Variants in NR4A3 observed in about 807,000 individuals in gnomAD.
The protein encoded by NR4A3 is nuclear receptor subfamily 4 group A member 3.
NR4A3 carries 13 observed loss-of-function variants against 55.6 expected under a neutral mutation model. The ratio of observed to expected loss-of-function variants is 0.23; its 90% CI spans 0.15 to 0.37. The LOEUF is 0.37. Among genes scored for constraint, NR4A3 ranks in the 10% least tolerant of loss-of-function variants. The probability of loss-of-function intolerance (pLI) is 1.00; values close to 1 mark genes in which losing one functional copy is unlikely to be tolerated. For missense variants in NR4A3, 646 were observed against 822.8 expected, an observed-to-expected ratio of 0.79 and a Z score of 2.63; for synonymous variants, 342 against 357.9, an observed-to-expected ratio of 0.96 and a Z score of 0.50.
chr9:99,843,681 A>T (rs561828565), intron 5 of NR4A3, among the ~76,000 whole-genome samples: 228 of 150,138 alleles, frequency 1.5e-3, no homozygotes, highest in African/African-American at 4.9e-3. Flanking sequence ...TACAAAAAAA[A>T]TTTTTTTTTG....
intron 5 of NR4A3, among the ~76,000 whole-genome samples, chr9:99,841,076 C>G (rs1827641566): frequency 6.6e-6 from 1 of 151,822 alleles, no homozygotes; most frequent in Non-Finnish European, 1.5e-5. Context: ...ACTAAAAATA[C>G]AAAAATTAGC....
At chr9:99,830,993 A>C (rs1827428742) in intron 3 of NR4A3, among the ~76,000 whole-genome samples, 1 of 152,168 alleles carries the variant, frequency 6.6e-6, no homozygotes, top group Non-Finnish European at 1.5e-5. Flanking sequence ...GGGGAGAATC[A>C]CCCCACAGAA....
chr9:99,832,540 T>C (rs1827464091), intron 3 of NR4A3, 149 bp from the exon 4 acceptor site: 1 of 589,686 alleles, frequency 1.7e-6, no homozygotes, highest in Non-Finnish European at 2.6e-6. Flanking sequence ...AAAATTGTTT[T>C]TCCTGCAGGC....
At chr9:99,827,989 A>G (rs952939971) in intron 2 of NR4A3, 52 bp from the exon 3 acceptor site, 16 of 1,561,122 alleles carry the variant, frequency 1.0e-5, no homozygotes, top group Middle Eastern at 3.5e-4. Context: ...CCTGTTGGCT[A>G]GAAAACAAGT....
At chr9:99,829,324 T>G (rs1400061336) in intron 3 of NR4A3, among the ~76,000 whole-genome samples, 1 of 152,194 alleles carries the variant, frequency 6.6e-6, no homozygotes, top group Non-Finnish European at 1.5e-5. Flanking sequence ...GCTTTGTCTG[T>G]CCATCCAGGG....
At chr9:99,826,717 C>T in intron 2 of NR4A3, 2 of 1,560,460 alleles carry the variant, frequency 1.3e-6, no homozygotes, top group Non-Finnish European at 8.8e-7. Flanking sequence ...CTCATCACTG[C>T]TTCTTCCAAC....
intron 7 of NR4A3, among the ~76,000 whole-genome samples, chr9:99,860,257 G>A (rs1334265094): frequency 6.7e-6 from 1 of 149,646 alleles, no homozygotes; most frequent in Non-Finnish European, 1.5e-5. Flanking sequence ...CATTTGTTCT[G>A]TTTGATGTCT....
chr9:99,842,629 G>A (rs1005422331), intron 5 of NR4A3, among the ~76,000 whole-genome samples: 7 of 152,102 alleles, frequency 4.6e-5, no homozygotes, highest in African/African-American at 1.4e-4. Context: ...TACTCGGGAG[G>A]CTGAGGCACG....
chr9:99,860,878 C>T (rs1280580280), intron 7 of NR4A3, among the ~76,000 whole-genome samples: 2 of 152,226 alleles, frequency 1.3e-5, no homozygotes, highest in Non-Finnish European at 2.9e-5. Flanking sequence ...ACCACTTTTC[C>T]ATAACATTAT....
At chr9:99,832,482 C>G (rs1827462843) in intron 3 of NR4A3, among the ~76,000 whole-genome samples, 1 of 152,122 alleles carries the variant, frequency 6.6e-6, no homozygotes, top group African/African-American at 2.4e-5. Flanking sequence ...CTGAGACTTG[C>G]TTTAGAACAA....
At chr9:99,831,639 C>G (rs369566717) in intron 3 of NR4A3, among the ~76,000 whole-genome samples, 4 of 152,196 alleles carry the variant, frequency 2.6e-5, no homozygotes, top group East Asian at 3.9e-4. Flanking sequence ...TTAATGCAGC[C>G]CAGGCTTCCC....
chr9:99,830,708 A>G (rs905138986), intron 3 of NR4A3, among the ~76,000 whole-genome samples: 1 of 152,262 alleles, frequency 6.6e-6, no homozygotes, highest in Non-Finnish European at 1.5e-5. Flanking sequence ...CTTTCAAGTA[A>G]CTGCATTCCT....
rs756290556 is a variant in NR4A3, at chr9:99,828,118, T to C, written c.76T>C (p.Tyr26His). 19 of 1,614,068 alleles carry C rather than the reference T, an allele frequency of 1.2e-5. No individual in the cohort carries two copies. Among genetic ancestry groups the C allele is most frequent in the Non-Finnish European group, 1.5e-5 (18 of 1,180,006 alleles). The change falls in exon 3 of 8, where the codon TAC becomes CAC. Residue 26 changes from tyrosine to histidine, a missense_variant. This residue lies in a region of NR4A3 where 426 missense variants were observed against 429.4 expected (regional missense o/e 0.99). Coordinates refer to ENST00000395097, the MANE Select transcript of NR4A3 (RefSeq NM_006981.4). This position sits in a 1 kb window ranked among gnomAD's most constrained non-coding sequence, Gnocchi z 7.7. ...TGCGGCGCAGACATACAGCTCGGAA[T>C]ACACCACGGAGATCATGAACCCCGA... ...SYAAQTYSSE[Y>H]TTEIMNPDYT...
intron 7 of NR4A3, among the ~76,000 whole-genome samples, chr9:99,856,071 A>G (rs1827923168): frequency 6.6e-6 from 1 of 151,990 alleles, no homozygotes; most frequent in Non-Finnish European, 1.5e-5. Context: ...ATGGAAGACA[A>G]TTTTTGCTTG....
At chr9:99,862,341 C>T (rs555994242) in intron 7 of NR4A3, among the ~76,000 whole-genome samples, 2 of 151,492 alleles carry the variant, frequency 1.3e-5, no homozygotes, top group East Asian at 1.9e-4. Flanking sequence ...GTCAGGAGTT[C>T]GAGACCATCC....
rs1827184599 is a variant in NR4A3 at position 99,821,918 on chromosome 9, G to GC, written c.-660dup. 8.9e-6 allele frequency: 1 copy of GC among 112,000 alleles called. No individual in the cohort carries two copies. The highest frequency in any genetic ancestry group is 1.8e-5 in the Non-Finnish European group (1 of 54,380). The allele number at this position is 112,000 out of a possible 1,614,324, so 6.9% of individuals were successfully genotyped here. On this transcript the variant is annotated 5_prime_UTR_variant, in exon 1 of 8. Coordinates refer to ENST00000395097, the MANE Select transcript of NR4A3 (RefSeq NM_006981.4). ...GGGAGAGCGGAGTCTCCTGCCTCCC[G>GC]CCCCCCACCCCTCCAGCTCCTGCTC...
rs1211348807 is a variant in NR4A3 at position 99,865,862 on chromosome 9, G to A, written c.*1995G>A. The A allele has an allele frequency of 4.7e-6, 1 of 213,904 alleles. No homozygotes were observed. The highest frequency in any genetic ancestry group is 2.3e-5 in the African/African-American group (1 of 44,220). 13.3% of individuals were successfully genotyped at this position (213,904 alleles called of 1,614,324 possible). A position where few individuals can be genotyped will look rare whatever the true frequency, so the allele number is the denominator to read the frequency against. Reference sequence around the variant, plus strand: ...AAGATGATAGAACCTGGAATGTTAGGATTTTGAAATGTTAGACTTGGAAGG... The same window carrying A: ...AAGATGATAGAACCTGGAATGTTAGAATTTTGAAATGTTAGACTTGGAAGG... On this transcript the variant is annotated 3_prime_UTR_variant, in exon 8 of 8. Transcript: ENST00000395097. This position sits in a 1 kb window ranked among gnomAD's most constrained non-coding sequence, Gnocchi z 4.3.
chr9:99,845,626 T>A (rs551419973), intron 6 of NR4A3, among the ~76,000 whole-genome samples: 9 of 152,330 alleles, frequency 5.9e-5, no homozygotes, highest in African/African-American at 1.4e-4. Flanking sequence ...CTCTTTCTCT[T>A]TCCTGCCATC....
chr9:99,835,576 T>A (rs1377471477), intron 5 of NR4A3, among the ~76,000 whole-genome samples: 1 of 152,222 alleles, frequency 6.6e-6, no homozygotes, highest in Admixed American at 6.5e-5. Context: ...TAGCACACAA[T>A]CTGACATTGC....
Sources: allele counts gnomAD v4.1 joint callset (sites outside exome capture counted in the v4.1 genomes callset), GRCh38; gene constraint gnomAD v4.1.1; regional missense constraint gnomAD v4.1.1; non-coding constraint Gnocchi (gnomAD v3.1); transcripts MANE v1.5; gene names NCBI Gene and HGNC (gene_info 2026-07-23, HGNC 2026-07-21).